COL5A1: variants seen among roughly 807,000 people sequenced by gnomAD.
COL5A1 encodes the protein collagen alpha-1(V) chain.
A neutral mutation model predicts 263.7 loss-of-function variants in COL5A1; 16 were observed. The observed-to-expected ratio is 0.06, with a 90% CI of 0.04 to 0.09. The LOEUF (loss-of-function observed/expected upper bound fraction) is 0.09. COL5A1 is among the 10% of genes least tolerant of loss of function. The probability of loss-of-function intolerance (pLI) is 1.00; values close to 1 mark genes in which losing one functional copy is unlikely to be tolerated. For missense variants in COL5A1, 2,036 were observed against 2,540.5 expected (o/e 0.80, Z 4.27); for synonymous variants, 1,012 against 1,004.5 (o/e 1.01, Z -0.14).
chr9:134,738,581 C>A lies in COL5A1; in HGVS notation c.1431+66C>A, dbSNP rs1199529763. The A allele has an allele frequency of 1.8e-5, 28 of 1,594,656 alleles. No homozygotes were observed. In the Admixed American group the frequency reaches 4.5e-4, roughly 26 times the overall value. Reference sequence around the variant, plus strand: ...CTTGGTGGGGTGGGGTTGGTGACACCCCTTATGTCTCCTGGATGGAAAAGA... The same window carrying A: ...CTTGGTGGGGTGGGGTTGGTGACACACCTTATGTCTCCTGGATGGAAAAGA... On this transcript the variant is annotated intron_variant, in intron 10 of 65. Transcript: ENST00000371817.
At chr9:134,796,234 C>A (rs1361175025) in intron 34 of COL5A1, 140 bp from the exon 35 acceptor site, 8 of 910,340 alleles carry the variant, frequency 8.8e-6, no homozygotes, top group Non-Finnish European at 1.5e-5. Flanking sequence ...CCTTCTGCCC[C>A]TTACTGAGGG....
chr9:134,687,186 C>G (rs1212155913), intron 1 of COL5A1, among the ~76,000 whole-genome samples: 1 of 152,186 alleles, frequency 6.6e-6, no homozygotes, highest in Non-Finnish European at 1.5e-5. Flanking sequence ...GGATATGGCC[C>G]TGCTGGCTGT....
intron 1 of COL5A1, 44 bp from the exon 2 acceptor site, chr9:134,690,868 C>T (rs374428889): frequency 1.1e-4 from 172 of 1,612,090 alleles, no homozygotes; most frequent in Non-Finnish European, 1.4e-4. Flanking sequence ...CCAGGTGCTC[C>T]TTTCCTCTCC....
intron 19 of COL5A1, 62 bp downstream of exon 19, chr9:134,762,040 G>A: frequency 6.4e-7 from 1 of 1,566,652 alleles, no homozygotes; most frequent in Non-Finnish European, 8.8e-7. Flanking sequence ...GATTTGGGCA[G>A]GAAAACCACA....
At chr9:134,707,425 G>A (rs987902591) in intron 4 of COL5A1, among the ~76,000 whole-genome samples, 13 of 152,132 alleles carry the variant, frequency 8.5e-5, no homozygotes, top group Non-Finnish European at 1.8e-4. Context: ...CCTTTTTCCA[G>A]GGGCCTGGCT....
chr9:134,683,319 C>T (rs909528202), intron 1 of COL5A1, among the ~76,000 whole-genome samples: 1 of 152,166 alleles, frequency 6.6e-6, no homozygotes, highest in African/African-American at 2.4e-5. Flanking sequence ...AAAAGTGGGA[C>T]TTTCCTCTTG....
rs114400173 is a variant in COL5A1 at position 134,677,628 on chromosome 9, G to A, written c.110-13284G>A. Among the ~76,000 whole-genome samples, 170 of 152,252 alleles carry A rather than the reference G, an allele frequency of 1.1e-3. No homozygotes were observed. The highest frequency in any genetic ancestry group is 3.4e-3 in the African/African-American group (143 of 41,548). ...TGGCACAGCCACCCTTCATCCAGCCGTCCCTGGGGCCATTCTTCAAGCGCC... is the reference window on the plus strand; with the variant it reads ...TGGCACAGCCACCCTTCATCCAGCCATCCCTGGGGCCATTCTTCAAGCGCC... On this transcript the variant is annotated intron_variant, in intron 1 of 65. Coordinates refer to ENST00000371817, the MANE Select transcript of COL5A1 (RefSeq NM_000093.5). This position sits in a 1 kb window ranked among gnomAD's most constrained non-coding sequence, Gnocchi z 4.4.
At chr9:134,810,182 T>C in intron 43 of COL5A1, 73 bp from the exon 44 acceptor site, 5 of 1,546,212 alleles carry the variant, frequency 3.2e-6, no homozygotes, top group Admixed American at 3.3e-5. Context: ...CCAAGAAAAA[T>C]TCATTACGGG....
In COL5A1 at chr9:134,681,763, G is replaced by A. The variant is rs12554098; in HGVS notation, c.110-9149G>A. 0.11 allele frequency among the ~76,000 whole-genome samples: 16,795 copies of A among 152,178 alleles called. 1,198 individuals are homozygous for A. The highest frequency in any genetic ancestry group is 0.16 in the Admixed American group (2,521 of 15,290). ...GGCTCTAAAATTAGAGTTCTAGCCC[G>A]AGAATTGTGAAGACCTCAAGCTTGG... On this transcript the variant is annotated intron_variant, in intron 1 of 65. Coordinates refer to ENST00000371817, the MANE Select transcript of COL5A1 (RefSeq NM_000093.5). The surrounding 1 kb of genome is among the most constrained non-coding windows in gnomAD (Gnocchi z 4.3).
rs540900921 is a variant in COL5A1, at chr9:134,650,441, C to G, written c.109+8145C>G. 1.1e-4 allele frequency among the ~76,000 whole-genome samples: 16 copies of G among 152,328 alleles called. No homozygotes were observed. The South Asian group carries it at 3.3e-3, about 32-fold the overall frequency. On this transcript the variant is annotated intron_variant, in intron 1 of 65. Transcript: ENST00000371817. ...GTGTGTCAGCAGGTTTGCTTGGCAGCATTTATGGACCCCTAACATGAGACG... is the reference window on the plus strand; with the variant it reads ...GTGTGTCAGCAGGTTTGCTTGGCAGGATTTATGGACCCCTAACATGAGACG...
In COL5A1 at chr9:134,835,165, C is replaced by G. The variant is rs539490365; in HGVS notation, c.5331C>G (p.Asp1777Glu). The change falls in exon 65 of 66, where the codon GAC becomes GAG. Residue 1777 changes from aspartate to glutamate, a missense_variant. This residue lies in a region of COL5A1 where 358 missense variants were observed against 384.6 expected (regional missense o/e 0.93). Coordinates refer to ENST00000371817, the MANE Select transcript of COL5A1 (RefSeq NM_000093.5). ...CCAACGACGAGGAGATGTCCTATGA[C>G]AACAACCCCTACATCCGCGCCCTGG... ...LGSNDEEMSY[D>E]NNPYIRALVD... is the part of the protein sequence containing the mutation. 2 of 1,613,710 alleles carry G rather than the reference C, an allele frequency of 1.2e-6. No individual in the cohort carries two copies. Among genetic ancestry groups the G allele is most frequent in the African/African-American group, 2.7e-5 (2 of 74,956 alleles).
chr9:134,707,665 G>A (rs745847866), intron 4 of COL5A1, among the ~76,000 whole-genome samples: 24 of 152,352 alleles, frequency 1.6e-4, no homozygotes, highest in Non-Finnish European at 2.4e-4. Flanking sequence ...CCAGGTCCAC[G>A]TTTGCTGTAA....
At chr9:134,827,687 C>T (rs575298011) in intron 63 of COL5A1, among the ~76,000 whole-genome samples, 1 of 152,326 alleles carries the variant, frequency 6.6e-6, no homozygotes, top group African/African-American at 2.4e-5. Context: ...GTTGACCAGC[C>T]AGGCGTCCAC....
rs62571407 is a variant in COL5A1, at chr9:134,815,113, A to G, written c.4014+209A>G. Among the ~76,000 whole-genome samples, 2,638 of 152,334 alleles carry G rather than the reference A, an allele frequency of 0.017. 25 individuals carry two copies. The highest frequency in any genetic ancestry group is 0.041 in the East Asian group (211 of 5,176). On this transcript the variant is annotated intron_variant, in intron 50 of 65. Coordinates refer to ENST00000371817, the MANE Select transcript of COL5A1 (RefSeq NM_000093.5). ...GAGACAGGGCGTGGACTGGAGGAGA[A>G]AGCCCTGAGTGATTCTTCTCTGTGG...
In COL5A1 at chr9:134,650,997, G is replaced by A. The variant is rs562385000; in HGVS notation, c.109+8701G>A. On this transcript the variant is annotated intron_variant, in intron 1 of 65. Transcript: ENST00000371817. ...GGTCCGTACAGTCACATGCATGGACGCAAGCAGCCTCTGTCCATTCTCAAG... is the reference window on the plus strand; with the variant it reads ...GGTCCGTACAGTCACATGCATGGACACAAGCAGCCTCTGTCCATTCTCAAG... Among the ~76,000 whole-genome samples, 6 of 152,330 alleles carry A rather than the reference G, an allele frequency of 3.9e-5. No individual in the cohort carries two copies. The South Asian group carries it at 6.2e-4, about 16-fold the overall frequency.
Position 134,713,002 on chromosome 9 carries a change from C to A in COL5A1, c.654+11669C>A, listed in dbSNP as rs572661140. Among the ~76,000 whole-genome samples the A allele has an allele frequency of 4.0e-3, 609 of 152,332 alleles. 5 individuals carry two copies. Among genetic ancestry groups the A allele is most frequent in the South Asian group, 0.015 (70 of 4,818 alleles). On this transcript the variant is annotated intron_variant, in intron 4 of 65. Coordinates refer to ENST00000371817, the MANE Select transcript of COL5A1 (RefSeq NM_000093.5). ...GGAGCCCTGGACTCTCCAAACCAGG[C>A]GTGATTCCCGCTGTGCTCCACGGCC...
intron 25 of COL5A1, 42 bp from the exon 26 acceptor site, chr9:134,772,748 T>C: frequency 6.2e-7 from 1 of 1,608,824 alleles, no homozygotes; most frequent in East Asian, 2.2e-5. Context: ...GGCTGCTTTC[T>C]GGAGTGGCAC....
intron 29 of COL5A1, among the ~76,000 whole-genome samples, chr9:134,784,328 T>A (rs539886181): frequency 1.3e-5 from 2 of 152,206 alleles, no homozygotes; most frequent in African/African-American, 4.8e-5. Flanking sequence ...CAGAGGAGGA[T>A]CCATCCATTG....
intron 1 of COL5A1, among the ~76,000 whole-genome samples, chr9:134,658,714 G>C (rs371617489): frequency 9.9e-5 from 15 of 152,284 alleles, no homozygotes; most frequent in African/African-American, 3.6e-4. Context: ...GGAGGGTGGC[G>C]GGGGGTGGGG....
Sources: gnomAD v4.1 joint callset for allele counts (sites outside exome capture counted in the v4.1 genomes callset) on GRCh38, gnomAD v4.1.1 for gene constraint, gnomAD v4.1.1 regional missense constraint, Gnocchi (gnomAD v3.1) non-coding constraint, MANE v1.5 for transcripts, NCBI Gene and HGNC (gene_info 2026-07-23, HGNC 2026-07-21) for gene names.